The following DAPK1 variants were observed in gnomAD, a reference collection of about 807,000 sequenced individuals.
DAPK1 encodes the protein death-associated protein kinase 1.
DAPK1 carries 56 observed loss-of-function variants against 144.9 expected under a neutral mutation model. The observed-to-expected ratio is 0.39, with a 90% CI of 0.31 to 0.48. The LOEUF is 0.48. DAPK1 is among the 20% of genes least tolerant of loss of function. DAPK1 has a pLI of 0.95. For synonymous variants in DAPK1, 690 were observed against 749.0 expected, an observed-to-expected ratio of 0.92 and a Z score of 1.29; for missense variants, 1,454 against 1,875.4, an observed-to-expected ratio of 0.78 and a Z score of 4.15.
intron 2 of DAPK1, among the ~76,000 whole-genome samples, chr9:87,578,880 T>C (rs563344478): frequency 6.6e-6 from 1 of 152,338 alleles, no homozygotes; most frequent in South Asian, 2.1e-4. Context: ...TTTGAGGCCA[T>C]CTGGGCTTCT....
chr9:87,644,334 G>A (rs1231341416), intron 11 of DAPK1, among the ~76,000 whole-genome samples: 1 of 152,094 alleles, frequency 6.6e-6, no homozygotes, highest in Non-Finnish European at 1.5e-5. Context: ...AAGTCAGGAG[G>A]TGAAGGGGAC....
chr9:87,632,946 G>A lies in DAPK1; in HGVS notation c.285-4997G>A, dbSNP rs574340300. 149 of 947,268 alleles carry A rather than the reference G, an allele frequency of 1.6e-4. No homozygotes were observed. The East Asian group carries it at 2.8e-3, about 18-fold the overall frequency. 58.7% of individuals were successfully genotyped at this position (947,268 alleles called of 1,614,324 possible). On this transcript the variant is annotated intron_variant, in intron 3 of 25. Coordinates refer to ENST00000408954, the MANE Select transcript of DAPK1 (RefSeq NM_004938.4). ...TAAATGAAGGGTGATCAGTATATAC[G>A]TAGGGATGAAGGAGGATGAGTACAT...
intron 2 of DAPK1, among the ~76,000 whole-genome samples, chr9:87,516,282 G>A (rs577370066): frequency 2.0e-5 from 3 of 152,178 alleles, no homozygotes; most frequent in Admixed American, 6.5e-5. Flanking sequence ...CCATACTGTT[G>A]GGGCTCAAGA....
At chr9:87,633,814 T>G (rs564450940) in intron 3 of DAPK1, among the ~76,000 whole-genome samples, 1 of 152,306 alleles carries the variant, frequency 6.6e-6, no homozygotes, top group Non-Finnish European at 1.5e-5. Context: ...TGTAAAAAAC[T>G]ATCCCAGACC....
intron 21 of DAPK1, among the ~76,000 whole-genome samples, chr9:87,694,066 T>G (rs1825172988): frequency 6.6e-6 from 1 of 152,122 alleles, no homozygotes; most frequent in South Asian, 2.1e-4. Flanking sequence ...CTTGCTCAAG[T>G]GCTGGTAGTA....
intron 18 of DAPK1, among the ~76,000 whole-genome samples, chr9:87,659,597 G>T (rs1041860677): frequency 6.6e-6 from 1 of 152,174 alleles, no homozygotes. Flanking sequence ...CCCTCTGTAG[G>T]GTCCCTCCGT....
At chr9:87,610,436 A>G (rs1165103490) in intron 3 of DAPK1, among the ~76,000 whole-genome samples, 1 of 152,244 alleles carries the variant, frequency 6.6e-6, no homozygotes, top group Non-Finnish European at 1.5e-5. Flanking sequence ...TATCTGGTGA[A>G]GGGCGAAGCC....
At chr9:87,503,221 T>G (rs564031223) in intron 2 of DAPK1, among the ~76,000 whole-genome samples, 1 of 152,126 alleles carries the variant, frequency 6.6e-6, no homozygotes, top group East Asian at 1.9e-4. Context: ...CTAAAATATA[T>G]ATATATGTAT....
At chr9:87,608,195 G>A (rs955711188) in intron 3 of DAPK1, among the ~76,000 whole-genome samples, 1 of 152,196 alleles carries the variant, frequency 6.6e-6, no homozygotes, top group South Asian at 2.1e-4. Flanking sequence ...GAGGCACGGA[G>A]CCAAACCATA....
At chr9:87,668,748 T>C in intron 19 of DAPK1, 74 bp downstream of exon 19, 2 of 867,892 alleles carry the variant, frequency 2.3e-6, no homozygotes, top group Non-Finnish European at 4.0e-6. Flanking sequence ...TTTTCCTTAT[T>C]TGAGAATGAG....
intron 2 of DAPK1, among the ~76,000 whole-genome samples, chr9:87,576,746 C>T (rs143715767): frequency 2.0e-4 from 30 of 152,268 alleles, no homozygotes; most frequent in African/African-American, 4.8e-4. Flanking sequence ...TTAGTAGAGA[C>T]GGGGTTTCAC....
intron 23 of DAPK1, among the ~76,000 whole-genome samples, chr9:87,699,354 A>G (rs891261463): frequency 6.6e-6 from 1 of 152,198 alleles, no homozygotes; most frequent in East Asian, 1.9e-4. Context: ...TATGTCTTAC[A>G]ATATAAGTTG....
intron 2 of DAPK1, among the ~76,000 whole-genome samples, chr9:87,559,126 T>A (rs1404633464): frequency 6.6e-6 from 1 of 152,170 alleles, no homozygotes; most frequent in Non-Finnish European, 1.5e-5. Context: ...ATTTTGTGCT[T>A]GACGTGTATT....
At chr9:87,584,877 A>G (rs1048660949) in intron 2 of DAPK1, among the ~76,000 whole-genome samples, 2 of 152,148 alleles carry the variant, frequency 1.3e-5, no homozygotes, top group African/African-American at 4.8e-5. Flanking sequence ...GGGTTTCACC[A>G]TGTTAGCTAG....
chr9:87,503,507 T>C (rs1824483814), intron 2 of DAPK1, among the ~76,000 whole-genome samples: 1 of 152,198 alleles, frequency 6.6e-6, no homozygotes, highest in Non-Finnish European at 1.5e-5. Context: ...AGTAACTGCT[T>C]ATTTGATGAT....
intron 2 of DAPK1, among the ~76,000 whole-genome samples, chr9:87,539,263 G>T (rs533612527): frequency 2.0e-5 from 3 of 152,050 alleles, no homozygotes; most frequent in African/African-American, 7.2e-5. Flanking sequence ...GTACGGATGT[G>T]TAGTTTAAGA....
Position 87,650,530 on chromosome 9 carries a change from T to C in DAPK1, c.1626+412T>C, listed in dbSNP as rs150953846. On this transcript the variant is annotated intron_variant, in intron 16 of 25. Transcript: ENST00000408954. The stretch of plus-strand genomic sequence containing the variant: ...GTGTTGTAAAAAGACAATAAACCAC[T>C]CTTGTCTGGCAATCTCGATGCTAGA... 14 of 210,690 alleles carry C rather than the reference T, an allele frequency of 6.6e-5. No homozygotes were observed. The East Asian group carries it at 2.1e-3, about 31-fold the overall frequency. The allele number at this position is 210,690 out of a possible 1,614,324, so 13.1% of individuals were successfully genotyped here.
intron 17 of DAPK1, among the ~76,000 whole-genome samples, chr9:87,656,802 G>A (rs745635555): frequency 6.6e-6 from 1 of 152,118 alleles, no homozygotes; most frequent in Non-Finnish European, 1.5e-5. Flanking sequence ...AGTGGGAGGT[G>A]GGCTATGACC....
At chr9:87,541,549 G>T in intron 2 of DAPK1, among the ~76,000 whole-genome samples, 1 of 133,370 alleles carries the variant, frequency 7.5e-6, no homozygotes, top group Admixed American at 7.6e-5. Context: ...ACTCTGTCTG[G>T]AAAAAAAAAA....
Sources: allele counts gnomAD v4.1 joint callset (sites outside exome capture counted in the v4.1 genomes callset), GRCh38; gene constraint gnomAD v4.1.1; transcripts MANE v1.5; gene names NCBI Gene and HGNC (gene_info 2026-07-23, HGNC 2026-07-21).